CUX2: variants seen among roughly 807,000 people sequenced by gnomAD.
CUX2 encodes the protein homeobox protein cut-like 2.
In CUX2, 40 loss-of-function variants were observed where a neutral mutation model predicts 144.8. That is an observed-to-expected ratio of 0.28 (90% confidence interval 0.21 to 0.36). The LOEUF is 0.36. Ranked by LOEUF, CUX2 falls within the 10% of genes least tolerant of loss-of-function variation. The pLI, the probability that CUX2 is intolerant of heterozygous loss-of-function variation, is 1.00. For synonymous variants in CUX2, 827 were observed against 875.6 expected, an observed-to-expected ratio of 0.94 and a Z score of 0.98; for missense variants, 1,615 against 1,994.0, an observed-to-expected ratio of 0.81 and a Z score of 3.62.
rs751294100 is a variant in CUX2, at chr12:111,295,393, C to T, written c.621C>T (p.Ile207=). 6.2e-7 allele frequency: 1 copy of T among 1,612,352 alleles called. No individual in the cohort carries two copies. Among genetic ancestry groups the T allele is most frequent in the South Asian group, 1.1e-5 (1 of 90,472 alleles). Residue 207 remains isoleucine (I), a synonymous_variant, in exon 7 of 22, where the codon ATC becomes ATT. Coordinates refer to ENST00000261726, the MANE Select transcript of CUX2 (RefSeq NM_015267.4). The surrounding 1 kb of genome is among the most constrained non-coding windows in gnomAD (Gnocchi z 5.0). The stretch of plus-strand genomic sequence containing the variant: ...GACTGGGGGAGGCAGAGGAGAAAAT[C>T]AAAGTCCTACATTCAGGTATGTGTC... ...AARLGEAEEK[I]KVLHSALKAT...
intron 3 of CUX2, among the ~76,000 whole-genome samples, chr12:111,225,393 G>A (rs139836507): frequency 3.3e-5 from 5 of 152,338 alleles, no homozygotes; most frequent in African/African-American, 7.2e-5. Context: ...GTGGGAACTC[G>A]GGCAGGGACA....
At chr12:111,080,068 A>G (rs1871787682) in intron 1 of CUX2, among the ~76,000 whole-genome samples, 1 of 152,170 alleles carries the variant, frequency 6.6e-6, no homozygotes, top group Non-Finnish European at 1.5e-5. Context: ...AACGGGGATG[A>G]TGATAATATC....
At chr12:111,092,471 C>T (rs1329369083) in intron 1 of CUX2, among the ~76,000 whole-genome samples, 1 of 152,118 alleles carries the variant, frequency 6.6e-6, no homozygotes, top group Admixed American at 6.5e-5. Context: ...CTTCCCAATG[C>T]GGCTGTTGGG....
At chr12:111,153,737 A>G (rs1260209880) in intron 1 of CUX2, among the ~76,000 whole-genome samples, 1 of 152,206 alleles carries the variant, frequency 6.6e-6, no homozygotes, top group Non-Finnish European at 1.5e-5. Flanking sequence ...ACAAATTGGC[A>G]TCACTTACTA....
At chr12:111,230,108 A>T (rs1241812110) in intron 3 of CUX2, among the ~76,000 whole-genome samples, 1 of 150,890 alleles carries the variant, frequency 6.6e-6, no homozygotes, top group Non-Finnish European at 1.5e-5. Context: ...GTGAGCCATT[A>T]TCATGCCACT....
chr12:111,203,216 A>T (rs985887105), intron 1 of CUX2, among the ~76,000 whole-genome samples: 1 of 143,742 alleles, frequency 7.0e-6, no homozygotes, highest in Non-Finnish European at 1.5e-5. Flanking sequence ...TGGGCAACCG[A>T]ATGAGACTCT....
intron 1 of CUX2, among the ~76,000 whole-genome samples, chr12:111,093,997 G>A (rs779171227): frequency 9.2e-5 from 14 of 152,202 alleles, no homozygotes; most frequent in Non-Finnish European, 1.9e-4. Flanking sequence ...GGGGAAAAAT[G>A]CATAACTGCA....
At chr12:111,308,367 G>T (rs773726993) in intron 13 of CUX2, 34 bp downstream of exon 13, 1 of 1,613,912 alleles carries the variant, frequency 6.2e-7, no homozygotes, top group Non-Finnish European at 8.5e-7. Context: ...TGCAGGGCAG[G>T]CTGCCCCAGT....
At chr12:111,126,147 T>C (rs1031174200) in intron 1 of CUX2, among the ~76,000 whole-genome samples, 2 of 151,456 alleles carry the variant, frequency 1.3e-5, no homozygotes, top group Non-Finnish European at 2.9e-5. Flanking sequence ...CTCACTCTGT[T>C]GCCCAGGCTG....
chr12:111,099,711 T>C (rs561871476), intron 1 of CUX2: 71 of 456,288 alleles, frequency 1.6e-4, no homozygotes, highest in African/African-American at 1.2e-3. Flanking sequence ...TGATCACCTA[T>C]TGGGTTTATT....
chr12:111,102,408 C>T (rs1225456425), intron 1 of CUX2, among the ~76,000 whole-genome samples: 1 of 152,166 alleles, frequency 6.6e-6, no homozygotes, highest in African/African-American at 2.4e-5. Context: ...TGTCCAAAGC[C>T]GACTGACATC....
intron 4 of CUX2, among the ~76,000 whole-genome samples, chr12:111,282,694 C>T (rs911876915): frequency 9.9e-5 from 15 of 151,274 alleles, no homozygotes; most frequent in South Asian, 2.1e-4. Context: ...TACTTCCCCA[C>T]GGTGGGGTAG....
intron 16 of CUX2, among the ~76,000 whole-genome samples, chr12:111,314,718 C>T (rs916048435): frequency 6.7e-6 from 1 of 149,706 alleles, no homozygotes; most frequent in Non-Finnish European, 1.5e-5. Context: ...GTGGCACACA[C>T]CTGTGGTCCC....
chr12:111,139,880 C>T (rs1737659528), intron 1 of CUX2, among the ~76,000 whole-genome samples: 1 of 152,166 alleles, frequency 6.6e-6, no homozygotes, highest in Admixed American at 6.5e-5. Flanking sequence ...ATGTTAAAAT[C>T]GGACAAACCC....
intron 2 of CUX2, among the ~76,000 whole-genome samples, chr12:111,215,549 C>G (rs948107483): frequency 6.6e-6 from 1 of 152,180 alleles, no homozygotes; most frequent in African/African-American, 2.4e-5. Context: ...AAAAGCCTCT[C>G]CCATGTTGTG....
intron 1 of CUX2, among the ~76,000 whole-genome samples, chr12:111,140,598 C>T (rs1243693076): frequency 1.3e-5 from 2 of 152,168 alleles, no homozygotes; most frequent in South Asian, 2.1e-4. Flanking sequence ...TCCATTTACA[C>T]GCGAAACTGG....
chr12:111,184,738 CA>C (rs1407279137), intron 1 of CUX2, among the ~76,000 whole-genome samples: 1 of 152,032 alleles, frequency 6.6e-6, no homozygotes, highest in Non-Finnish European at 1.5e-5. Flanking sequence ...GCCTGGGCAA[CA>C]GAGTGAGACC....
chr12:111,118,897 GA>G (rs749157966), intron 1 of CUX2, among the ~76,000 whole-genome samples: 4 of 152,218 alleles, frequency 2.6e-5, no homozygotes, highest in South Asian at 4.1e-4. Context: ...CCAATGTGGA[GA>G]AGTACAACTC....
intron 1 of CUX2, among the ~76,000 whole-genome samples, chr12:111,166,796 T>C (rs1047232373): frequency 4.6e-5 from 7 of 152,286 alleles, no homozygotes; most frequent in African/African-American, 1.7e-4. Flanking sequence ...CGAGAAGTCC[T>C]GACGGCATCA....
Sources: gnomAD v4.1 joint callset for allele counts (sites outside exome capture counted in the v4.1 genomes callset) on GRCh38, gnomAD v4.1.1 for gene constraint, Gnocchi (gnomAD v3.1) non-coding constraint, MANE v1.5 for transcripts, NCBI Gene and HGNC (gene_info 2026-07-23, HGNC 2026-07-21) for gene names.